Variants in PIEZO2 observed in about 807,000 individuals in gnomAD.
PIEZO2 encodes the protein piezo type mechanosensitive ion channel component 2, also known as piezo-type mechanosensitive ion channel component 2.
Under a neutral mutation model 337.3 loss-of-function variants are expected in PIEZO2, and 172 were observed. The ratio of observed to expected loss-of-function variants is 0.51; its 90% CI spans 0.45 to 0.58. The LOEUF is 0.58. PIEZO2 is among the 20% of genes least tolerant of loss of function. The pLI is 0.00. For missense variants in PIEZO2, 3,028 were observed against 3,391.3 expected, an observed-to-expected ratio of 0.89 and a Z score of 2.66; for synonymous variants, 1,251 against 1,228.5, an observed-to-expected ratio of 1.02 and a Z score of -0.38.
intron 2 of PIEZO2, among the ~76,000 whole-genome samples, chr18:10,987,073 A>G (rs1434039646): frequency 1.3e-5 from 2 of 152,064 alleles, no homozygotes; most frequent in African/African-American, 4.8e-5. Context: ...CAAATAAATG[A>G]AAAATATATC....
At chr18:10,790,705 CTTTTTT>C (rs34016331) in intron 14 of PIEZO2, among the ~76,000 whole-genome samples, 2 of 127,884 alleles carry the variant, frequency 1.6e-5, no homozygotes, top group African/African-American at 5.9e-5. Context: ...TCAAATGGCA[CTTTTTT>C]TTTTTTTTTT....
chr18:10,910,443 T>C (rs1001558644), intron 4 of PIEZO2, among the ~76,000 whole-genome samples: 1 of 151,614 alleles, frequency 6.6e-6, no homozygotes, highest in Non-Finnish European at 1.5e-5. Flanking sequence ...ATAAGCTGGG[T>C]GTGGTGGTGG....
In PIEZO2 at chr18:10,854,354, A is replaced by G. The variant is rs992827289; in HGVS notation, c.917+999T>C. Among the ~76,000 whole-genome samples, 13 of 152,270 alleles carry G rather than the reference A, an allele frequency of 8.5e-5. No homozygotes were observed. The highest frequency in any genetic ancestry group is 1.6e-4 in the Non-Finnish European group (11 of 68,020). ...AAAGATGTTATTTTTTTTCTTTGCA[A>G]TTAGCAAGCACCAACAAGGTTCTAC... On this transcript the variant is annotated intron_variant, in intron 7 of 55. Transcript: ENST00000674853. The surrounding 1 kb of genome is among the most constrained non-coding windows in gnomAD (Gnocchi z 4.6).
chr18:10,821,956 C>T lies in PIEZO2; in HGVS notation c.918-14682G>A, dbSNP rs1367958439. 2.6e-5 allele frequency among the ~76,000 whole-genome samples: 4 copies of T among 152,138 alleles called. No individual in the cohort carries two copies. The highest frequency in any genetic ancestry group is 9.7e-5 in the African/African-American group (4 of 41,412). On this transcript the variant is annotated intron_variant, in intron 7 of 55. Transcript: ENST00000674853. The surrounding 1 kb of genome is among the most constrained non-coding windows in gnomAD (Gnocchi z 4.2). ...TTTGTCAGAGAAAATCAAAGTTACA[C>T]ATTTTGTAATGAAAATAGATTTTCT...
At chr18:10,906,262 A>C (rs903181954) in intron 4 of PIEZO2, among the ~76,000 whole-genome samples, 4 of 152,264 alleles carry the variant, frequency 2.6e-5, no homozygotes, top group Non-Finnish European at 5.9e-5. Flanking sequence ...AAATAAAATC[A>C]CATACAATAA....
Position 10,744,144 on chromosome 18 carries a change from T to A in PIEZO2, c.4512A>T (p.Arg1504=). ...ATGAGCATCAATAGCATCCTTACTG[T>A]CGCTTCAGCTGGTCCATGGACTTCT... The part of the protein sequence containing the change: ...EEKKSMDQLK[R]QMDRIKARQQ... The change falls in exon 31 of 56, where the codon CGA becomes CGT. Residue 1504 remains arginine, a splice_region_variant and synonymous_variant. Coordinates refer to ENST00000674853, the MANE Select transcript of PIEZO2 (RefSeq NM_001378183.1). 1 of 1,530,584 alleles carries A rather than the reference T, an allele frequency of 6.5e-7. No individual in the cohort carries two copies. The highest frequency in any genetic ancestry group is 8.8e-7 in the Non-Finnish European group (1 of 1,140,940). 94.8% of individuals were successfully genotyped at this position (1,530,584 alleles called of 1,614,324 possible). A position where few individuals can be genotyped will look rare whatever the true frequency, so the allele number is the denominator to read the frequency against.
chr18:10,691,285 CGCGTTGGGTA>C lies in PIEZO2; in HGVS notation c.7279_7288del (p.Tyr2427GlufsTer28). On this transcript the variant is annotated frameshift_variant, in exon 48 of 56. Transcript: ENST00000674853. LOFTEE classifies it high-confidence loss of function. ...CTTGGTGAGGAAGTTCCCCAGGACT[CGCGTTGGGTA>C]GCCACAACGGATCTGGTAAGCAGAC... 1 of 1,614,054 alleles carries C rather than the reference CGCGTTGGGTA, an allele frequency of 6.2e-7. No individual in the cohort carries two copies. Among genetic ancestry groups the C allele is most frequent in the Non-Finnish European group, 8.5e-7 (1 of 1,179,994 alleles).
chr18:10,733,535 C>T (rs1407145585), intron 35 of PIEZO2, among the ~76,000 whole-genome samples: 3 of 151,300 alleles, frequency 2.0e-5, no homozygotes, highest in East Asian at 2.0e-4. Context: ...CTGCAAGCTC[C>T]GCCTCCCAGT....
At chr18:11,039,832 T>C (rs186621208) in intron 2 of PIEZO2, among the ~76,000 whole-genome samples, 33 of 152,040 alleles carry the variant, frequency 2.2e-4, no homozygotes, top group Admixed American at 1.7e-3. Context: ...CAAAATAAGC[T>C]AAAATACTTG....
chr18:11,014,918 C>A (rs28370914), intron 2 of PIEZO2, among the ~76,000 whole-genome samples: 1 of 128,186 alleles, frequency 7.8e-6, no homozygotes, highest in African/African-American at 3.0e-5. Flanking sequence ...CTGGGTGGGA[C>A]AGCGATCCGG....
chr18:11,039,748 GCACACACACACA>G (rs72175382), intron 2 of PIEZO2, among the ~76,000 whole-genome samples: 1 of 140,474 alleles, frequency 7.1e-6, no homozygotes, highest in Non-Finnish European at 1.5e-5. Context: ...TTTTAAATAG[GCACACACACACA>G]CACACACACA....
At position 10,854,692 on chromosome 18, in the gene PIEZO2, T is replaced by C. The variant is rs1340514461; in HGVS notation, c.917+661A>G. Among the ~76,000 whole-genome samples the C allele has an allele frequency of 6.6e-6, 1 of 152,166 alleles. No individual in the cohort carries two copies. The highest frequency in any genetic ancestry group is 1.5e-5 in the Non-Finnish European group (1 of 68,022). ...CTTTCTCTCTCACACCAGAGACTTA[T>C]GTATTTTCTTATTTATTTGTTTGTT... On this transcript the variant is annotated intron_variant, in intron 7 of 55. Coordinates refer to ENST00000674853, the MANE Select transcript of PIEZO2 (RefSeq NM_001378183.1). The surrounding 1 kb of genome is among the most constrained non-coding windows in gnomAD (Gnocchi z 4.6).
At chr18:10,968,325 C>G (rs2034099394) in intron 3 of PIEZO2, among the ~76,000 whole-genome samples, 1 of 152,116 alleles carries the variant, frequency 6.6e-6, no homozygotes, top group African/African-American at 2.4e-5. Flanking sequence ...ATTTTAATAC[C>G]AGTACCATGC....
intron 38 of PIEZO2, 69 bp from the exon 39 acceptor site, chr18:10,714,999 C>T: frequency 2.8e-6 from 4 of 1,449,068 alleles, no homozygotes; most frequent in Non-Finnish European, 3.7e-6. Flanking sequence ...TGGCATTTCT[C>T]AACACAGACA....
At chr18:10,745,287 A>G (rs1411294657) in intron 30 of PIEZO2, among the ~76,000 whole-genome samples, 1 of 152,036 alleles carries the variant, frequency 6.6e-6, no homozygotes, top group Non-Finnish European at 1.5e-5. Flanking sequence ...TGCATTTCCA[A>G]TCTTTCCATC....
rs761337420 is a variant in PIEZO2 at position 10,750,668 on chromosome 18, C to A, written c.4168-481G>T. Among the ~76,000 whole-genome samples, 1 of 152,122 alleles carries A rather than the reference C, an allele frequency of 6.6e-6. No individual in the cohort carries two copies. Among genetic ancestry groups the A allele is most frequent in the Non-Finnish European group, 1.5e-5 (1 of 68,026 alleles). Reference sequence around the variant, plus strand: ...TTGAGTCTTGTTTGACCAATTCTCTCGGTAAAGGAGTATTTTTTGTAGATT... The same window carrying A: ...TTGAGTCTTGTTTGACCAATTCTCTAGGTAAAGGAGTATTTTTTGTAGATT... On this transcript the variant is annotated intron_variant, in intron 28 of 55. Coordinates refer to ENST00000674853, the MANE Select transcript of PIEZO2 (RefSeq NM_001378183.1). The surrounding 1 kb of genome is among the most constrained non-coding windows in gnomAD (Gnocchi z 4.1).
rs1598461772 is a variant in PIEZO2 at position 10,773,964 on chromosome 18, T to A, written c.2567+42A>T. ...TAGGGTGTAGAAGCATGAAATGGCATCATGTAGAGCAAGCATTTCATGGCT... is the reference window on the plus strand; with the variant it reads ...TAGGGTGTAGAAGCATGAAATGGCAACATGTAGAGCAAGCATTTCATGGCT... On this transcript the variant is annotated intron_variant, in intron 19 of 55. Transcript: ENST00000674853. The surrounding 1 kb of genome is among the most constrained non-coding windows in gnomAD (Gnocchi z 5.3). 1.0e-5 allele frequency: 7 copies of A among 702,608 alleles called. No homozygotes were observed. The East Asian group carries it at 1.6e-4, about 16-fold the overall frequency. The allele number at this position is 702,608 out of a possible 1,614,324, so 43.5% of individuals were successfully genotyped here.
At chr18:11,006,295 A>G (rs1484698864) in intron 2 of PIEZO2, among the ~76,000 whole-genome samples, 1 of 152,184 alleles carries the variant, frequency 6.6e-6, no homozygotes, top group East Asian at 1.9e-4. Context: ...TGAATTCCCA[A>G]TGCAAAGAAA....
chr18:10,705,221 T>C (rs2143780818), intron 41 of PIEZO2, 115 bp downstream of exon 41: 1 of 1,299,616 alleles, frequency 7.7e-7, no homozygotes, highest in Non-Finnish European at 1.0e-6. Context: ...CTGTTTGCTC[T>C]AAGTGTCCAG....
Sources: allele counts gnomAD v4.1 joint callset (sites outside exome capture counted in the v4.1 genomes callset), GRCh38; gene constraint gnomAD v4.1.1; non-coding constraint Gnocchi (gnomAD v3.1); transcripts MANE v1.5; gene names NCBI Gene and HGNC (gene_info 2026-07-23, HGNC 2026-07-21).